The following MTMR14 variants were observed in gnomAD, a reference collection of about 807,000 sequenced individuals.
MTMR14 encodes the protein phosphatidylinositol-3,5-bisphosphate 3-phosphatase MTMR14.
A neutral mutation model predicts 86.3 loss-of-function variants in MTMR14; 48 were observed. The ratio of observed to expected loss-of-function variants is 0.56; its 90% CI spans 0.44 to 0.71. MTMR14 has a LOEUF of 0.71. Ranked by LOEUF, MTMR14 falls within the 30% of genes least tolerant of loss-of-function variation. The pLI is 0.00. For missense variants in MTMR14, 780 were observed against 834.6 expected (o/e 0.93, Z 0.81); for synonymous variants, 366 against 326.1 (o/e 1.12, Z -1.32).
chr3:9,650,171 A>G (rs953279909), intron 1 of MTMR14, among the ~76,000 whole-genome samples: 2 of 152,062 alleles, frequency 1.3e-5, no homozygotes, highest in Non-Finnish European at 2.9e-5. Flanking sequence ...CAGGAGGTGA[A>G]CCCAGTGTGC....
At chr3:9,663,991 G>A (rs1211151545) in intron 3 of MTMR14, among the ~76,000 whole-genome samples, 1 of 150,960 alleles carries the variant, frequency 6.6e-6, no homozygotes, top group Non-Finnish European at 1.5e-5. Flanking sequence ...GTTTCGCCAT[G>A]GTGGCCAGGC....
At chr3:9,650,997 CCAGGCTGGT>C (rs2047252472) in intron 1 of MTMR14, among the ~76,000 whole-genome samples, 1 of 152,138 alleles carries the variant, frequency 6.6e-6, no homozygotes, top group Admixed American at 6.6e-5. Flanking sequence ...CCCAGGTTGG[CCAGGCTGGT>C]CTTGAACTCC....
chr3:9,694,323 G>GC (rs1387857606), intron 17 of MTMR14, among the ~76,000 whole-genome samples: 5 of 144,116 alleles, frequency 3.5e-5, no homozygotes, highest in African/African-American at 1.4e-4. Context: ...AATGATTCAG[G>GC]CCCCCCTCCC....
At position 9,677,269 on chromosome 3, in the gene MTMR14, A is replaced by G. The variant is rs774972213; in HGVS notation, c.752-48A>G. Reference sequence around the variant, plus strand: ...GGTCTGGCCAGGGCTGTCTCAGAAGACTTTGGGCTGGGAAGGGAGATGTCA... The same window carrying G: ...GGTCTGGCCAGGGCTGTCTCAGAAGGCTTTGGGCTGGGAAGGGAGATGTCA... On this transcript the variant is annotated intron_variant, in intron 7 of 18. Coordinates refer to ENST00000296003, the MANE Select transcript of MTMR14 (RefSeq NM_001077525.3). This position sits in a 1 kb window ranked among gnomAD's most constrained non-coding sequence, Gnocchi z 4.2. 6.3e-7 allele frequency: 1 copy of G among 1,577,542 alleles called. No homozygotes were observed. The highest frequency in any genetic ancestry group is 8.7e-7 in the Non-Finnish European group (1 of 1,147,228).
At chr3:9,684,320 C>A (rs1324072251) in intron 10 of MTMR14, among the ~76,000 whole-genome samples, 1 of 152,138 alleles carries the variant, frequency 6.6e-6, no homozygotes, top group African/African-American at 2.4e-5. Flanking sequence ...ATGACCTGGG[C>A]AAAGTGGACT....
intron 13 of MTMR14, among the ~76,000 whole-genome samples, chr3:9,687,599 GGAA>G (rs1267430831): frequency 6.6e-6 from 1 of 150,566 alleles, no homozygotes; most frequent in African/African-American, 2.4e-5. Context: ...GGCAGTCCCA[GGAA>G]GGAAATCCCT....
Position 9,685,113 on chromosome 3 carries a change from G to A in MTMR14, c.1128-98G>A, listed in dbSNP as rs890459793. ...CTGCTGATCAGGCCCCACCTGCCAC[G>A]CTGGTGCCAGTGACACAGTCTGTGT... is the stretch of plus-strand genomic sequence containing the variant. On this transcript the variant is annotated intron_variant, in intron 12 of 18. Transcript: ENST00000296003. 15 of 1,556,058 alleles carry A rather than the reference G, an allele frequency of 9.6e-6. No individual in the cohort carries two copies. In the African/African-American group the frequency reaches 1.4e-4, roughly 14 times the overall value.
chr3:9,673,097 A>G (rs1290573796), intron 7 of MTMR14, among the ~76,000 whole-genome samples: 1 of 152,248 alleles, frequency 6.6e-6, no homozygotes, highest in African/African-American at 2.4e-5. Flanking sequence ...TGGTCTGTGC[A>G]TGAAAATACT....
intron 17 of MTMR14, among the ~76,000 whole-genome samples, chr3:9,691,387 T>A (rs1023839969): frequency 6.6e-6 from 1 of 152,248 alleles, no homozygotes; most frequent in Non-Finnish European, 1.5e-5. Flanking sequence ...CACCCTTGTC[T>A]GTGCCCAGCT....
In MTMR14 at chr3:9,683,241, G is replaced by A. The variant is rs762006852; in HGVS notation, c.961G>A (p.Asp321Asn). 1.2e-6 allele frequency: 2 copies of A among 1,614,174 alleles called. No homozygotes were observed. The highest frequency in any genetic ancestry group is 3.3e-5 in the Admixed American group (2 of 60,028). ...GCTGCTGCTTTCCTTAGTTAACAGT[G>A]ATGGTGAGTCTGTCTCCTCCAGAGC... ...LKLLLSLVNS[D>N]DDSGLLVHCI... The change falls in exon 10 of 19, where the codon GAT becomes AAT. Residue 321 changes from aspartate (D) to asparagine (N), a missense_variant. Transcript: ENST00000296003.
chr3:9,697,244 GTC>G (rs1396925146), intron 17 of MTMR14, among the ~76,000 whole-genome samples: 1 of 152,166 alleles, frequency 6.6e-6, no homozygotes, highest in Non-Finnish European at 1.5e-5. Context: ...GGCCCGTACT[GTC>G]TCTTCTGATG....
intron 15 of MTMR14, 28 bp from the exon 16 acceptor site, chr3:9,688,916 G>A (rs764282092): frequency 1.7e-5 from 28 of 1,613,510 alleles, no homozygotes; most frequent in African/African-American, 2.7e-5. Context: ...AAGGTAACAC[G>A]CTGACTGATG....
chr3:9,669,563 C>G, intron 5 of MTMR14, 71 bp downstream of exon 5: 1 of 1,507,932 alleles, frequency 6.6e-7, no homozygotes, highest in Non-Finnish European at 9.1e-7. Context: ...TGGCCATGTT[C>G]ATATTGTCCG....
chr3:9,692,080 G>A (rs1008347705), intron 17 of MTMR14, among the ~76,000 whole-genome samples: 1 of 152,160 alleles, frequency 6.6e-6, no homozygotes, highest in African/African-American at 2.4e-5. Flanking sequence ...AAGTGCCTAA[G>A]GGATCCTGTC....
At position 9,668,728 on chromosome 3, in the gene MTMR14, A is replaced by G. The variant is rs759617655; in HGVS notation, c.427A>G (p.Arg143Gly). The G allele has an allele frequency of 2.5e-6, 4 of 1,614,088 alleles. No individual in the cohort carries two copies. In the African/African-American group the frequency reaches 4.0e-5, roughly 16 times the overall value. The change falls in exon 4 of 19, where the codon AGG becomes GGG. Residue 143 changes from arginine to glycine, a missense_variant. Physicochemically the swap from Arg to Gly is moderately radical, Grantham distance 125. Transcript: ENST00000296003. ...VILFKGKHIC[R>G]SATLAGWGEL... ...GATGTTTCTCTCCCAGCACATTTGC[A>G]GGTCGGCCACACTGGCTGGATGGGG...
chr3:9,685,135 G>A (rs1322214866), intron 12 of MTMR14, 76 bp from the exon 13 acceptor site: 1 of 1,596,654 alleles, frequency 6.3e-7, no homozygotes, highest in Non-Finnish European at 8.6e-7. Flanking sequence ...GACACAGTCT[G>A]TGTCTGGTGA....
rs766710018 is a variant in MTMR14 at position 9,684,599 on chromosome 3, C to T, written c.979C>T (p.Leu327=). ...TTCCTGAGTAGATGACAGCGGGCTGCTGGTACACTGTATCTCAGGCTGGGA... is the reference window on the plus strand; with the variant it reads ...TTCCTGAGTAGATGACAGCGGGCTGTTGGTACACTGTATCTCAGGCTGGGA... ...LVNSDDDSGL[L]VHCISGWDRT... is the part of the protein sequence containing the mutation. Residue 327 remains leucine (L), a synonymous_variant, in exon 11 of 19, where the codon CTG becomes TTG. Transcript: ENST00000296003. The T allele has an allele frequency of 2.0e-5, 32 of 1,614,138 alleles. 1 individual carries two copies. The Admixed American group carries it at 4.2e-4, about 21-fold the overall frequency.
At chr3:9,673,942 T>TTGA (rs969200466) in intron 7 of MTMR14, among the ~76,000 whole-genome samples, 1 of 151,964 alleles carries the variant, frequency 6.6e-6, no homozygotes, top group East Asian at 1.9e-4. Context: ...GGTGATGATG[T>TTGA]TGATGATGGT....
chr3:9,684,746 G>C, intron 11 of MTMR14, 76 bp downstream of exon 11: 3 of 1,572,074 alleles, frequency 1.9e-6, no homozygotes, highest in Non-Finnish European at 2.6e-6. Flanking sequence ...GGGTGGAGCA[G>C]GGGATGCCAT....
Sources: allele counts gnomAD v4.1 joint callset (sites outside exome capture counted in the v4.1 genomes callset), GRCh38; gene constraint gnomAD v4.1.1; non-coding constraint Gnocchi (gnomAD v3.1); transcripts MANE v1.5; gene names NCBI Gene and HGNC (gene_info 2026-07-23, HGNC 2026-07-21).